Variants in UTRN observed in about 807,000 individuals in gnomAD.
The protein encoded by UTRN is dystrophin-related protein 1.
UTRN carries 283 observed loss-of-function variants against 463.9 expected under a neutral mutation model. The ratio of observed to expected loss-of-function variants is 0.61; its 90% CI spans 0.55 to 0.67. The LOEUF (loss-of-function observed/expected upper bound fraction) is 0.67, where lower values mean the gene tolerates loss of function less well. Ranked by LOEUF, UTRN falls within the 30% of genes least tolerant of loss-of-function variation. The pLI is 0.00. For synonymous variants in UTRN, 1,442 were observed against 1,431.5 expected (o/e 1.01, Z -0.17); for missense variants, 3,922 against 4,084.3 (o/e 0.96, Z 1.08).
At chr6:144,320,403 G>A (rs971273415) in intron 2 of UTRN, among the ~76,000 whole-genome samples, 3 of 152,234 alleles carry the variant, frequency 2.0e-5, no homozygotes, top group African/African-American at 7.2e-5. Context: ...GAGAGGGGCC[G>A]TCTCCCAATC....
chr6:144,475,474 C>A (rs184026027), intron 25 of UTRN, among the ~76,000 whole-genome samples: 88 of 152,186 alleles, frequency 5.8e-4, no homozygotes, highest in Non-Finnish European at 5.9e-5. Context: ...TAGAGGTAGG[C>A]AGAGGATGGA....
intron 51 of UTRN, among the ~76,000 whole-genome samples, chr6:144,647,860 G>A (rs545702187): frequency 1.6e-4 from 24 of 152,268 alleles, no homozygotes; most frequent in African/African-American, 2.4e-4. Flanking sequence ...TTTTTTCATG[G>A]TGTCTAGTAC....
At chr6:144,436,894 A>T (rs1315536433) in intron 10 of UTRN, among the ~76,000 whole-genome samples, 1 of 145,010 alleles carries the variant, frequency 6.9e-6, no homozygotes, top group Non-Finnish European at 1.5e-5. Context: ...AAATATTTTT[A>T]TATATAATCT....
intron 49 of UTRN, 131 bp downstream of exon 49, chr6:144,555,024 T>A: frequency 8.9e-7 from 1 of 1,120,268 alleles, no homozygotes. Context: ...CTAATGAAAT[T>A]TATATGAAGA....
At position 144,700,098 on chromosome 6, in the gene UTRN, A is replaced by C. The variant is rs774973383; in HGVS notation, c.7664A>C (p.Glu2555Ala). Reference sequence around the variant, plus strand: ...TTATCTCTCAACAGGGCCCATTTGGAGGCCAGCGCTGAGAAGTGGAACAGG... The same window carrying C: ...TTATCTCTCAACAGGGCCCATTTGGCGGCCAGCGCTGAGAAGTGGAACAGG... ...AKSASIRAHLEASAEKWNRLL... is the reference protein window; with the variant it reads ...AKSASIRAHLAASAEKWNRLL... The change falls in exon 53 of 75, where the codon GAG (glutamate) becomes GCG (alanine). Residue 2555 changes from glutamate to alanine, a missense_variant. Transcript: ENST00000367545. 6.3e-7 allele frequency: 1 copy of C among 1,590,912 alleles called. No individual in the cohort carries two copies. The highest frequency in any genetic ancestry group is 8.6e-7 in the Non-Finnish European group (1 of 1,166,060).
intron 6 of UTRN, among the ~76,000 whole-genome samples, chr6:144,424,379 C>T (rs528925643): frequency 6.6e-6 from 1 of 152,224 alleles, no homozygotes; most frequent in South Asian, 2.1e-4. Flanking sequence ...TGGTGTTCTC[C>T]CTGTGTGCAT....
intron 63 of UTRN, among the ~76,000 whole-genome samples, chr6:144,795,189 A>G (rs1408928963): frequency 6.6e-6 from 1 of 152,180 alleles, no homozygotes; most frequent in East Asian, 1.9e-4. Flanking sequence ...TTTCCCTGCA[A>G]GGGACATGGA....
chr6:144,528,786 C>T (rs568590409), intron 41 of UTRN, among the ~76,000 whole-genome samples: 19 of 152,362 alleles, frequency 1.2e-4, no homozygotes, highest in African/African-American at 4.6e-4. Flanking sequence ...GGCCCCCAGC[C>T]AGGAGATGGT....
Position 144,306,827 on chromosome 6 carries a change from G to A in UTRN, c.79+14920G>A, listed in dbSNP as rs550316682. Among the ~76,000 whole-genome samples the A allele has an allele frequency of 3.3e-5, 5 of 151,696 alleles. No homozygotes were observed. In the South Asian group the frequency reaches 8.4e-4, roughly 25 times the overall value. ...TCCCAGCACTTTGAAAGGCCGAGGC[G>A]GGCGGATCACCTGAGGTCAGGAGTT... On this transcript the variant is annotated intron_variant, in intron 2 of 74. Transcript: ENST00000367545.
At chr6:144,565,774 G>A (rs1800349467) in intron 50 of UTRN, among the ~76,000 whole-genome samples, 1 of 152,168 alleles carries the variant, frequency 6.6e-6, no homozygotes, top group Non-Finnish European at 1.5e-5. Context: ...TTTGGAGGAA[G>A]TAATGTGGCT....
At chr6:144,722,440 A>G (rs1304420549) in intron 53 of UTRN, among the ~76,000 whole-genome samples, 2 of 151,912 alleles carry the variant, frequency 1.3e-5, no homozygotes, top group African/African-American at 4.8e-5. Flanking sequence ...GTAGATTTTT[A>G]TAGTAATGAA....
At chr6:144,834,105 G>A (rs896318956) in intron 69 of UTRN, among the ~76,000 whole-genome samples, 4 of 152,154 alleles carry the variant, frequency 2.6e-5, no homozygotes, top group African/African-American at 7.2e-5. Flanking sequence ...GGATAATGCC[G>A]CAGCTTACTT....
intron 65 of UTRN, among the ~76,000 whole-genome samples, chr6:144,803,529 A>G (rs1777881812): frequency 6.6e-6 from 1 of 152,004 alleles, no homozygotes; most frequent in African/African-American, 2.4e-5. Context: ...TCCTAACTCT[A>G]GCTCCTGAAT....
At position 144,545,224 on chromosome 6, in the gene UTRN, A is replaced by C. The variant is rs1798297345; in HGVS notation, c.6595+2354A>C. Among the ~76,000 whole-genome samples the C allele has an allele frequency of 2.0e-5, 3 of 152,216 alleles. No homozygotes were observed. In the South Asian group the frequency reaches 6.2e-4, roughly 32 times the overall value. On this transcript the variant is annotated intron_variant, in intron 46 of 74. Transcript: ENST00000367545. Reference sequence around the variant, plus strand: ...ATCTAGATTATTGGAATATGCTCCTAACTCATAATCCTGATTTTATTCTTG... The same window carrying C: ...ATCTAGATTATTGGAATATGCTCCTCACTCATAATCCTGATTTTATTCTTG...
At chr6:144,597,063 C>G (rs1803725634) in intron 51 of UTRN, among the ~76,000 whole-genome samples, 1 of 152,012 alleles carries the variant, frequency 6.6e-6, no homozygotes, top group Non-Finnish European at 1.5e-5. Flanking sequence ...ATGGTGAAAC[C>G]TTGTCTCTAC....
At chr6:144,814,905 A>G (rs1778944061) in intron 65 of UTRN, among the ~76,000 whole-genome samples, 1 of 152,212 alleles carries the variant, frequency 6.6e-6, no homozygotes, top group Admixed American at 6.5e-5. Flanking sequence ...TAAATCAGAA[A>G]TTTGAATTGG....
intron 53 of UTRN, among the ~76,000 whole-genome samples, chr6:144,724,252 G>A (rs538123205): frequency 1.9e-5 from 2 of 103,690 alleles, no homozygotes; most frequent in African/African-American, 3.7e-5. Context: ...TTTTTGAGAT[G>A]GAGTCTCGCT....
Position 144,487,638 on chromosome 6 carries a change from GATATAATCA to G in UTRN, c.3914_3922del (p.Asp1305_Ser1308delinsGly). 1 of 1,613,350 alleles carries G rather than the reference GATATAATCA, an allele frequency of 6.2e-7. No homozygotes were observed. The highest frequency in any genetic ancestry group is 1.1e-5 in the South Asian group (1 of 90,960). On this transcript the variant is annotated inframe_deletion, in exon 29 of 75. Coordinates refer to ENST00000367545, the MANE Select transcript of UTRN (RefSeq NM_007124.3). ...TCTGATTGATGGGGGGATCCTGGAT[GATATAATCA>G]GTGAGAAACTGGAGGCTTTCAACAG...
intron 13 of UTRN, among the ~76,000 whole-genome samples, chr6:144,442,609 A>G (rs1281748055): frequency 6.8e-6 from 1 of 148,136 alleles, no homozygotes; most frequent in Non-Finnish European, 1.5e-5. Flanking sequence ...GCATGGTGGC[A>G]GGCAAAGAGA....
Sources: gnomAD v4.1 joint callset for allele counts (sites outside exome capture counted in the v4.1 genomes callset) on GRCh38, gnomAD v4.1.1 for gene constraint, MANE v1.5 for transcripts, NCBI Gene and HGNC (gene_info 2026-07-23, HGNC 2026-07-21) for gene names.